Variants in DCC observed in about 807,000 individuals in gnomAD.
DCC encodes DCC netrin 1 receptor, also known as netrin receptor DCC.
In DCC, 58 loss-of-function variants were observed where a neutral mutation model predicts 172.5. The ratio of observed to expected loss-of-function variants is 0.34; its 90% CI spans 0.27 to 0.42. DCC has a LOEUF of 0.42. Among genes scored for constraint, DCC ranks in the 10% least tolerant of loss-of-function variants. The probability of loss-of-function intolerance (pLI) is 1.00; values close to 1 mark genes in which losing one functional copy is unlikely to be tolerated. For synonymous variants in DCC, 709 were observed against 644.5 expected (o/e 1.10, Z -1.52); for missense variants, 1,740 against 1,791.0 (o/e 0.97, Z 0.51).
At chr18:53,110,779 GA>G in intron 7 of DCC, among the ~76,000 whole-genome samples, 1 of 129,130 alleles carries the variant, frequency 7.7e-6, no homozygotes, top group South Asian at 2.8e-4. Context: ...GGAGAAATAG[GA>G]ACACTTTTAC....
chr18:52,597,043 A>G (rs770734030), intron 1 of DCC, among the ~76,000 whole-genome samples: 1 of 152,058 alleles, frequency 6.6e-6, no homozygotes, highest in East Asian at 1.9e-4. Context: ...TTGTTTCACC[A>G]TATGTTCCCC....
At chr18:53,435,556 T>C (rs1212218963) in intron 22 of DCC, among the ~76,000 whole-genome samples, 2 of 152,158 alleles carry the variant, frequency 1.3e-5, no homozygotes, top group African/African-American at 4.8e-5. Flanking sequence ...TGCAGGAATC[T>C]AATTTTATTT....
At chr18:52,888,951 G>T (rs2039608005) in intron 2 of DCC, among the ~76,000 whole-genome samples, 1 of 151,896 alleles carries the variant, frequency 6.6e-6, no homozygotes, top group African/African-American at 2.4e-5. Context: ...GCACATGTAT[G>T]AATATTAATC....
intron 2 of DCC, among the ~76,000 whole-genome samples, chr18:52,780,585 T>C (rs954353686): frequency 7.2e-5 from 11 of 152,080 alleles, no homozygotes; most frequent in Non-Finnish European, 1.6e-4. Flanking sequence ...ATGCTTACGT[T>C]TGATGAAAAT....
At chr18:53,509,031 G>A (rs2046218449) in intron 27 of DCC, among the ~76,000 whole-genome samples, 1 of 152,140 alleles carries the variant, frequency 6.6e-6, no homozygotes, top group South Asian at 2.1e-4. Context: ...CATAAATACT[G>A]CATCTCCCGA....
intron 5 of DCC, among the ~76,000 whole-genome samples, chr18:52,933,151 A>G (rs2040332742): frequency 6.6e-6 from 1 of 152,092 alleles, no homozygotes; most frequent in Admixed American, 6.6e-5. Flanking sequence ...TAATGAATAT[A>G]GTTTCTAGTC....
intron 2 of DCC, among the ~76,000 whole-genome samples, chr18:52,855,184 C>T (rs886839598): frequency 9.9e-5 from 15 of 152,160 alleles, no homozygotes; most frequent in East Asian, 5.8e-4. Flanking sequence ...TCCAGCCTCC[C>T]GATCAGTCCC....
At chr18:53,096,675 G>C (rs1365234902) in intron 7 of DCC, among the ~76,000 whole-genome samples, 4 of 152,028 alleles carry the variant, frequency 2.6e-5, no homozygotes, top group African/African-American at 9.7e-5. Context: ...GTGAATTCTA[G>C]ATCTTCTTTA....
intron 12 of DCC, among the ~76,000 whole-genome samples, chr18:53,238,398 T>C (rs1161697444): frequency 6.6e-6 from 1 of 152,192 alleles, no homozygotes; most frequent in Non-Finnish European, 1.5e-5. Flanking sequence ...ATTAATCTTT[T>C]AGTTATGCAT....
chr18:52,866,198 G>T (rs1002936918), intron 2 of DCC, among the ~76,000 whole-genome samples: 2 of 152,146 alleles, frequency 1.3e-5, no homozygotes, highest in South Asian at 2.1e-4. Context: ...AGATCAGAAG[G>T]TTGTAGATGT....
At chr18:53,424,076 G>A (rs1454083485) in intron 21 of DCC, among the ~76,000 whole-genome samples, 1 of 152,102 alleles carries the variant, frequency 6.6e-6, no homozygotes, top group East Asian at 1.9e-4. Flanking sequence ...ATGCTAAATA[G>A]AAAAACAAGT....
At chr18:53,479,550 T>C (rs1280495635) in intron 25 of DCC, among the ~76,000 whole-genome samples, 2 of 152,212 alleles carry the variant, frequency 1.3e-5, no homozygotes, top group Non-Finnish European at 2.9e-5. Flanking sequence ...AGTAGAGTTA[T>C]GCAGACACAG....
chr18:52,724,280 G>A (rs28509341), intron 1 of DCC, among the ~76,000 whole-genome samples: 30,660 of 151,932 alleles, frequency 0.2, 3,611 homozygotes, highest in Admixed American at 0.3. Context: ...CTTAGTAGCT[G>A]AGACTACAGT....
chr18:52,610,825 A>AT (rs888630914), intron 1 of DCC, among the ~76,000 whole-genome samples: 12 of 149,968 alleles, frequency 8.0e-5, no homozygotes, highest in African/African-American at 2.9e-4. Context: ...TCTTCTTTTG[A>AT]TTTTTTTTCT....
intron 12 of DCC, among the ~76,000 whole-genome samples, chr18:53,225,884 C>A (rs1261141877): frequency 6.6e-6 from 1 of 151,804 alleles, no homozygotes; most frequent in African/African-American, 2.4e-5. Flanking sequence ...CAGGGAAGAA[C>A]GGGTCAGGGG....
intron 1 of DCC, among the ~76,000 whole-genome samples, chr18:52,344,617 G>C (rs1568125189): frequency 6.6e-6 from 1 of 152,018 alleles, no homozygotes; most frequent in African/African-American, 2.4e-5. Context: ...TTGACTTGCA[G>C]ACAAAACACT....
intron 12 of DCC, among the ~76,000 whole-genome samples, chr18:53,280,602 C>T (rs73957143): frequency 0.02 from 2,971 of 152,046 alleles, 102 homozygotes; most frequent in African/African-American, 0.067. Context: ...GCTTCCAGCA[C>T]GGAAGCTTTC....
intron 27 of DCC, among the ~76,000 whole-genome samples, chr18:53,507,720 G>C (rs967459403): frequency 6.6e-6 from 1 of 151,986 alleles, no homozygotes; most frequent in Non-Finnish European, 1.5e-5. Context: ...ATAATTGCAC[G>C]TACAGACTTA....
In DCC at chr18:52,870,014, C is replaced by T. The variant is rs563681368; in HGVS notation, c.413-36030C>T. ...GGGGCTCCAGGTCCTCACTGGGCCC[C>T]TTTCTGTCCGCTCCTCCAAGCCCGA... is the stretch of plus-strand genomic sequence containing the variant. On this transcript the variant is annotated intron_variant, in intron 2 of 28. Coordinates refer to ENST00000442544, the MANE Select transcript of DCC (RefSeq NM_005215.4). Among the ~76,000 whole-genome samples, 7 of 152,156 alleles carry T rather than the reference C, an allele frequency of 4.6e-5. No individual in the cohort carries two copies. In the East Asian group the frequency reaches 1.4e-3, roughly 30 times the overall value.
Sources: gnomAD v4.1 joint callset for allele counts (sites outside exome capture counted in the v4.1 genomes callset) on GRCh38, gnomAD v4.1.1 for gene constraint, MANE v1.5 for transcripts, NCBI Gene and HGNC (gene_info 2026-07-23, HGNC 2026-07-21) for gene names.